Variants in SORL1 observed in about 807,000 individuals in gnomAD.
SORL1 encodes the protein sortilin related receptor 1.
SORL1 carries 127 observed loss-of-function variants against 273.7 expected under a neutral mutation model. The observed-to-expected ratio is 0.46, with a 90% CI of 0.40 to 0.54. The LOEUF (loss-of-function observed/expected upper bound fraction) is 0.54, where lower values mean the gene tolerates loss of function less well. Among genes scored for constraint, SORL1 ranks in the 20% least tolerant of loss-of-function variants. The pLI is 0.00. For missense variants in SORL1, 2,494 were observed against 2,846.1 expected (o/e 0.88, Z 2.81); for synonymous variants, 1,031 against 1,067.4 (o/e 0.97, Z 0.66).
At chr11:121,567,545 C>G (rs1862771977) in intron 22 of SORL1, among the ~76,000 whole-genome samples, 1 of 152,242 alleles carries the variant, frequency 6.6e-6, no homozygotes, top group African/African-American at 2.4e-5. Context: ...TTTACTCTCA[C>G]CTAACGGTTG....
At chr11:121,555,464 C>G in intron 18 of SORL1, 146 bp downstream of exon 18, 1 of 1,003,658 alleles carries the variant, frequency 1.0e-6, no homozygotes, top group South Asian at 1.7e-5. Context: ...CCAGCTGAGC[C>G]TCTGGAGAGG....
intron 1 of SORL1, among the ~76,000 whole-genome samples, chr11:121,461,599 A>G (rs928523048): frequency 6.6e-6 from 1 of 152,216 alleles, no homozygotes; most frequent in Non-Finnish European, 1.5e-5. Context: ...TAATGTTTAC[A>G]TGCTTTTCTC....
At chr11:121,454,455 C>G (rs1319366633) in intron 1 of SORL1, among the ~76,000 whole-genome samples, 1 of 152,214 alleles carries the variant, frequency 6.6e-6, no homozygotes, top group Non-Finnish European at 1.5e-5. Flanking sequence ...GAACTCTGTT[C>G]TCACTGGGAG....
intron 27 of SORL1, among the ~76,000 whole-genome samples, chr11:121,586,700 G>GAGT (rs1863118807): frequency 4.5e-4 from 5 of 11,058 alleles, no homozygotes. Flanking sequence ...GAGTGGGGGG[G>GAGT]GGGGCGGGGG....
intron 1 of SORL1, among the ~76,000 whole-genome samples, chr11:121,462,773 T>C (rs2134771301): frequency 6.6e-6 from 1 of 152,182 alleles, no homozygotes; most frequent in African/African-American, 2.4e-5. Context: ...TTTGTAGAGA[T>C]GGGGTTGTGT....
At chr11:121,549,675 G>A (rs1862479908) in intron 14 of SORL1, among the ~76,000 whole-genome samples, 1 of 123,090 alleles carries the variant, frequency 8.1e-6, no homozygotes, top group Admixed American at 8.5e-5. Context: ...GTCTTAAATT[G>A]GGAACTGGAT....
At chr11:121,625,383 C>T (rs934807950) in intron 46 of SORL1, 106 bp downstream of exon 46, 2 of 930,892 alleles carry the variant, frequency 2.1e-6, no homozygotes, top group Admixed American at 2.9e-5. Flanking sequence ...GGAAGATATT[C>T]TCAGCTTAAA....
intron 21 of SORL1, among the ~76,000 whole-genome samples, chr11:121,565,822 G>T (rs1052627915): frequency 6.6e-6 from 1 of 152,272 alleles, no homozygotes; most frequent in East Asian, 1.9e-4. Flanking sequence ...ATCCACAAAG[G>T]CTCCTTCTCA....
intron 14 of SORL1, among the ~76,000 whole-genome samples, chr11:121,549,372 A>G (rs1862475559): frequency 6.6e-6 from 1 of 151,948 alleles, no homozygotes; most frequent in South Asian, 2.1e-4. Flanking sequence ...ACAGGTGTGC[A>G]GCACCATACC....
chr11:121,489,864 T>C (rs1861526733), intron 4 of SORL1, among the ~76,000 whole-genome samples, 179 bp from the exon 5 acceptor site: 1 of 152,250 alleles, frequency 6.6e-6, no homozygotes. Context: ...GGTACACAGT[T>C]GTCTTTCCTT....
In SORL1 at chr11:121,631,000, G is replaced by A. The variant is rs561902844; in HGVS notation, c.*1437G>A. 4 of 153,314 alleles carry A rather than the reference G, an allele frequency of 2.6e-5. No individual in the cohort carries two copies. In the Admixed American group the frequency reaches 2.6e-4, roughly 10 times the overall value. The allele number at this position is 153,314 out of a possible 1,614,324, so 9.5% of individuals were successfully genotyped here. ...TTCCTTTCAGCCAAGAAGCAGTGAG[G>A]TCTGGGAATATTCCAAAGTCATGTC... On this transcript the variant is annotated 3_prime_UTR_variant, in exon 48 of 48. Transcript: ENST00000260197.
At position 121,487,945 on chromosome 11, in the gene SORL1, T is replaced by C. The variant is rs1324412978; in HGVS notation, c.529-87T>C. 4.3e-6 allele frequency: 6 copies of C among 1,405,146 alleles called. No individual in the cohort carries two copies. The African/African-American group carries it at 8.5e-5, about 20-fold the overall frequency. 87.0% of individuals were successfully genotyped at this position (1,405,146 alleles called of 1,614,324 possible). A position where few individuals can be genotyped will look rare whatever the true frequency, so the allele number is the denominator to read the frequency against. On this transcript the variant is annotated intron_variant, in intron 3 of 47. Coordinates refer to ENST00000260197, the MANE Select transcript of SORL1 (RefSeq NM_003105.6). Reference sequence around the variant, plus strand: ...GCCAGCTGGCCCCTGCACATGTGTGTACTCGTGTGGACTCGCACATGGTTT... The same window carrying C: ...GCCAGCTGGCCCCTGCACATGTGTGCACTCGTGTGGACTCGCACATGGTTT...
At chr11:121,534,420 G>T (rs1288246153) in intron 12 of SORL1, among the ~76,000 whole-genome samples, 2 of 152,156 alleles carry the variant, frequency 1.3e-5, no homozygotes, top group African/African-American at 4.8e-5. Flanking sequence ...AAATCATAAA[G>T]CCTTCCCCAG....
intron 3 of SORL1, among the ~76,000 whole-genome samples, chr11:121,479,694 G>A (rs1462643369): frequency 6.6e-6 from 1 of 152,174 alleles, no homozygotes; most frequent in Non-Finnish European, 1.5e-5. Flanking sequence ...CTTAGGAAGG[G>A]CCACTTAAGG....
Position 121,607,282 on chromosome 11 carries a change from A to G in SORL1, c.5158A>G (p.Thr1720Ala), listed in dbSNP as rs1243186690. Reference protein sequence around the residue: ...IKNLLVNTLYTVRVAAVTSRG... With the variant: ...IKNLLVNTLYAVRVAAVTSRG... ...GAACTTATTGGTCAACACTCTATACACCGTCAGAGTGAGTGTCGTCATCCA... is the reference window on the plus strand; with the variant it reads ...GAACTTATTGGTCAACACTCTATACGCCGTCAGAGTGAGTGTCGTCATCCA... Residue 1720 changes from threonine (T) to alanine (A), a missense_variant, in exon 37 of 48, where the codon ACC becomes GCC. Thr to Ala is a moderately conservative substitution (Grantham distance 58, BLOSUM62 0). Coordinates refer to ENST00000260197, the MANE Select transcript of SORL1 (RefSeq NM_003105.6). The G allele has an allele frequency of 2.6e-6, 4 of 1,560,024 alleles. No homozygotes were observed. The highest frequency in any genetic ancestry group is 2.2e-5 in the East Asian group (1 of 44,592).
intron 23 of SORL1, among the ~76,000 whole-genome samples, chr11:121,573,569 C>T (rs894982495): frequency 1.1e-4 from 16 of 152,124 alleles, no homozygotes; most frequent in African/African-American, 3.4e-4. Context: ...GCCGAGATTG[C>T]GCCACTGCAC....
intron 38 of SORL1, 101 bp downstream of exon 38, chr11:121,608,277 A>G (rs1000180968): frequency 3.5e-5 from 33 of 940,788 alleles, no homozygotes; most frequent in Middle Eastern, 4.5e-4. Flanking sequence ...AGTTTAGAAA[A>G]ACATCACACA....
intron 5 of SORL1, among the ~76,000 whole-genome samples, chr11:121,491,202 A>G (rs1484023111): frequency 2.0e-5 from 3 of 152,210 alleles, no homozygotes; most frequent in Admixed American, 6.5e-5. Context: ...TGGTATTAGA[A>G]TCTGCATCGC....
intron 6 of SORL1, among the ~76,000 whole-genome samples, chr11:121,497,581 T>C (rs1278275021): frequency 6.6e-6 from 1 of 152,206 alleles, no homozygotes; most frequent in Non-Finnish European, 1.5e-5. Flanking sequence ...TCTCAGCCTT[T>C]GGGAAAATCT....
Sources: gnomAD v4.1 joint callset for allele counts (sites outside exome capture counted in the v4.1 genomes callset) on GRCh38, gnomAD v4.1.1 for gene constraint, MANE v1.5 for transcripts, NCBI Gene and HGNC (gene_info 2026-07-23, HGNC 2026-07-21) for gene names.